The following SEMA5A variants were observed in gnomAD, a reference collection of about 807,000 sequenced individuals.
SEMA5A encodes the protein semaphorin 5A, also known as semaphorin-5A.
A neutral mutation model predicts 135.5 loss-of-function variants in SEMA5A; 55 were observed. The observed-to-expected ratio is 0.41, with a 90% CI of 0.33 to 0.51. SEMA5A has a LOEUF of 0.51. SEMA5A is among the 20% of genes least tolerant of loss of function. The pLI, the probability that SEMA5A is intolerant of heterozygous loss-of-function variation, is 0.37. For missense variants in SEMA5A, 1,290 were observed against 1,419.9 expected, an observed-to-expected ratio of 0.91 and a Z score of 1.47; for synonymous variants, 580 against 546.5, an observed-to-expected ratio of 1.06 and a Z score of -0.85.
chr5:9,175,602 T>G (rs1284220537), intron 11 of SEMA5A, among the ~76,000 whole-genome samples: 1 of 152,164 alleles, frequency 6.6e-6, no homozygotes, highest in East Asian at 1.9e-4. Flanking sequence ...CATTCCAGAA[T>G]TTTTCTTTTT....
In SEMA5A at chr5:9,037,380, C is replaced by T. The variant is rs547592737; in HGVS notation, c.*5517G>A. The T allele has an allele frequency of 1.1e-4, 17 of 152,284 alleles. No homozygotes were observed. Among genetic ancestry groups the T allele is most frequent in the African/African-American group, 3.6e-4 (15 of 41,564 alleles). The allele number at this position is 152,284 out of a possible 1,614,324, so 9.4% of individuals were successfully genotyped here. On this transcript the variant is annotated 3_prime_UTR_variant, in exon 23 of 23. Transcript: ENST00000382496. ...TAGGAAGTATACATTTTGTGCCAGG[C>T]TCTGAATTGGTTTTGATAATGCCCT...
intron 15 of SEMA5A, among the ~76,000 whole-genome samples, chr5:9,118,493 A>G (rs1458287002): frequency 6.6e-6 from 1 of 152,076 alleles, no homozygotes; most frequent in Non-Finnish European, 1.5e-5. Context: ...AGAGCCCCCA[A>G]TTTGGGTTGT....
At chr5:9,098,389 G>C (rs1739443125) in intron 16 of SEMA5A, among the ~76,000 whole-genome samples, 1 of 152,142 alleles carries the variant, frequency 6.6e-6, no homozygotes, top group Non-Finnish European at 1.5e-5. Context: ...CCAAAAACAT[G>C]TGTCCAATTT....
chr5:9,452,679 T>C (rs1442539281), intron 1 of SEMA5A, among the ~76,000 whole-genome samples: 3 of 152,120 alleles, frequency 2.0e-5, no homozygotes, highest in Non-Finnish European at 4.4e-5. Context: ...AAAACAAAAT[T>C]TTAAAAGAAA....
At chr5:9,408,102 A>C (rs1756965373) in intron 2 of SEMA5A, among the ~76,000 whole-genome samples, 2 of 150,804 alleles carry the variant, frequency 1.3e-5, no homozygotes, top group Non-Finnish European at 3.0e-5. Context: ...ATCATCACCA[A>C]CACTACCATC....
intron 2 of SEMA5A, among the ~76,000 whole-genome samples, chr5:9,429,632 A>C (rs1757787728): frequency 6.6e-6 from 1 of 152,238 alleles, no homozygotes; most frequent in African/African-American, 2.4e-5. Flanking sequence ...TGACAAGGTA[A>C]GAGTTGAATA....
intron 1 of SEMA5A, among the ~76,000 whole-genome samples, chr5:9,469,376 T>TG (rs1169528308): frequency 6.6e-6 from 1 of 152,214 alleles, no homozygotes; most frequent in African/African-American, 2.4e-5. Flanking sequence ...ATTTTAGTTA[T>TG]GCGGAATGTT....
chr5:9,360,118 A>G (rs1369565884), intron 3 of SEMA5A, among the ~76,000 whole-genome samples: 3 of 152,238 alleles, frequency 2.0e-5, no homozygotes, highest in Admixed American at 2.0e-4. Context: ...ACTACTCACT[A>G]GATGAACCAC....
intron 16 of SEMA5A, among the ~76,000 whole-genome samples, chr5:9,097,946 C>T (rs1375613739): frequency 6.6e-6 from 1 of 152,136 alleles, no homozygotes; most frequent in Non-Finnish European, 1.5e-5. Context: ...AGCCAAATCT[C>T]TTTTTAAAAA....
At chr5:9,208,672 A>G (rs1746181192) in intron 8 of SEMA5A, among the ~76,000 whole-genome samples, 1 of 152,220 alleles carries the variant, frequency 6.6e-6, no homozygotes, top group Non-Finnish European at 1.5e-5. Flanking sequence ...GAATGGAATG[A>G]AGCCACAGTC....
chr5:9,526,081 TCATTAATAGGCCACACA>T (rs1159683626), intron 1 of SEMA5A, among the ~76,000 whole-genome samples: 1 of 152,234 alleles, frequency 6.6e-6, no homozygotes, highest in Non-Finnish European at 1.5e-5. Context: ...CTTTTCTGCT[TCATTAATAGGCCACACA>T]TTACAGCCAA....
At chr5:9,433,289 T>A (rs1395474837) in intron 2 of SEMA5A, among the ~76,000 whole-genome samples, 2 of 152,226 alleles carry the variant, frequency 1.3e-5, no homozygotes, top group African/African-American at 4.8e-5. Context: ...TTTGTTCATT[T>A]TTTTACTATT....
intron 5 of SEMA5A, among the ~76,000 whole-genome samples, chr5:9,310,038 TA>T (rs1013063283): frequency 7.8e-6 from 1 of 128,034 alleles, no homozygotes; most frequent in African/African-American, 2.7e-5. Context: ...ATTGATAAAC[TA>T]AAAAAAAATA....
chr5:9,464,022 G>A (rs935865463), intron 1 of SEMA5A, among the ~76,000 whole-genome samples: 18 of 151,990 alleles, frequency 1.2e-4, no homozygotes, highest in Admixed American at 7.9e-4. Context: ...TTGACATCTG[G>A]GGCCAGATAA....
intron 11 of SEMA5A, among the ~76,000 whole-genome samples, chr5:9,163,340 C>A (rs941488105): frequency 6.6e-6 from 1 of 152,036 alleles, no homozygotes; most frequent in Non-Finnish European, 1.5e-5. Context: ...CCCCTTAAAT[C>A]ACTATTTGCT....
chr5:9,148,777 T>C (rs1742475996), intron 12 of SEMA5A, among the ~76,000 whole-genome samples: 1 of 152,136 alleles, frequency 6.6e-6, no homozygotes, highest in South Asian at 2.1e-4. Flanking sequence ...TGGAGTGCAG[T>C]GGTGTGATCT....
In SEMA5A at chr5:9,374,622, C is replaced by CGTGTGT. The variant is rs3086524; in HGVS notation, c.124+5195_124+5200dup. 1.7e-3 allele frequency among the ~76,000 whole-genome samples: 246 copies of CGTGTGT among 147,244 alleles called. 2 individuals carry two copies. Among genetic ancestry groups the CGTGTGT allele is most frequent in the African/African-American group, 5.2e-3 (209 of 40,080 alleles). On this transcript the variant is annotated intron_variant, in intron 3 of 22. Transcript: ENST00000382496. Reference sequence around the variant, plus strand: ...CTGGGTGCATAACATCACAAGACATCGTGTGTGTGTGTGTGTGTGTGTGTG... The same window carrying CGTGTGT: ...CTGGGTGCATAACATCACAAGACATCGTGTGTGTGTGTGTGTGTGTGTGTGTGTGTG...
chr5:9,238,874 T>C (rs1434075242), intron 5 of SEMA5A, among the ~76,000 whole-genome samples: 1 of 152,178 alleles, frequency 6.6e-6, no homozygotes, highest in Non-Finnish European at 1.5e-5. Context: ...AAAGACATTT[T>C]GAGATAGAGA....
intron 11 of SEMA5A, among the ~76,000 whole-genome samples, chr5:9,169,520 G>A (rs1451039931): frequency 6.6e-6 from 1 of 152,128 alleles, no homozygotes; most frequent in Non-Finnish European, 1.5e-5. Flanking sequence ...TTTCCTTCTA[G>A]GAGCAGAACT....
Sources: allele counts gnomAD v4.1 joint callset (sites outside exome capture counted in the v4.1 genomes callset), GRCh38; gene constraint gnomAD v4.1.1; transcripts MANE v1.5; gene names NCBI Gene and HGNC (gene_info 2026-07-23, HGNC 2026-07-21).